Variants in GALNT13 observed in about 807,000 individuals in gnomAD.
The protein encoded by GALNT13 is polypeptide N-acetylgalactosaminyltransferase 13.
In GALNT13, 28 loss-of-function variants were observed where a neutral mutation model predicts 64.2. The observed-to-expected ratio is 0.44, with a 90% CI of 0.32 to 0.60. The LOEUF (loss-of-function observed/expected upper bound fraction) is 0.60, where lower values mean the gene tolerates loss of function less well. Among genes scored for constraint, GALNT13 ranks in the 20% least tolerant of loss-of-function variants. The pLI is 0.05. For missense variants in GALNT13, 577 were observed against 669.8 expected (o/e 0.86, Z 1.53); for synonymous variants, 214 against 224.6 (o/e 0.95, Z 0.42).
chr2:153,884,850 T>C (rs1687049303), intron 1 of GALNT13, among the ~76,000 whole-genome samples: 1 of 70,790 alleles, frequency 1.4e-5, no homozygotes, highest in Non-Finnish European at 2.6e-5. Context: ...TGTGTATATA[T>C]GTATATACAC....
intron 9 of GALNT13, among the ~76,000 whole-genome samples, chr2:154,339,514 T>C (rs1474352659): frequency 6.6e-6 from 1 of 152,142 alleles, no homozygotes; most frequent in Non-Finnish European, 1.5e-5. Flanking sequence ...ATACTCGTTA[T>C]TTGGAAGGAA....
At chr2:153,712,014 A>C in the GALNT13 span, among the ~76,000 whole-genome samples, 1 of 152,194 alleles carries the variant, frequency 6.6e-6, no homozygotes, top group Admixed American at 6.5e-5. Context: ...CTTTTGACAC[A>C]ACCTGAAATA....
At chr2:153,641,296 T>G in the GALNT13 span, among the ~76,000 whole-genome samples, 1 of 152,136 alleles carries the variant, frequency 6.6e-6, no homozygotes, top group African/African-American at 2.4e-5. Context: ...AGTTGTTAGG[T>G]CCGTTAGAAA....
the GALNT13 span, among the ~76,000 whole-genome samples, chr2:153,641,697 T>G: frequency 1.2e-4 from 19 of 152,192 alleles, no homozygotes; most frequent in Non-Finnish European, 1.8e-4. Flanking sequence ...GCTTCTGTTA[T>G]GCTGAAACAA....
chr2:153,127,700 C>A, the GALNT13 span, among the ~76,000 whole-genome samples: 1 of 152,090 alleles, frequency 6.6e-6, no homozygotes, highest in Admixed American at 6.6e-5. Context: ...ATTTTTGCAT[C>A]ATTATTTTAT....
At chr2:153,862,817 AT>A in the GALNT13 span, among the ~76,000 whole-genome samples, 1 of 152,088 alleles carries the variant, frequency 6.6e-6, no homozygotes, top group African/African-American at 2.4e-5. Context: ...CTAATGAAAA[AT>A]TCTAATATGT....
At chr2:154,211,352 C>T (rs759390132) in intron 4 of GALNT13, among the ~76,000 whole-genome samples, 3 of 151,850 alleles carry the variant, frequency 2.0e-5, no homozygotes, top group Non-Finnish European at 2.9e-5. Flanking sequence ...GTAGGCCTGG[C>T]GCAGTGGCTC....
the GALNT13 span, among the ~76,000 whole-genome samples, chr2:153,400,692 G>T: frequency 1.3e-5 from 2 of 152,198 alleles, no homozygotes; most frequent in East Asian, 1.9e-4. Context: ...ATTTCTTCTA[G>T]ATTTTGTAGT....
At chr2:153,817,695 T>C in the GALNT13 span, among the ~76,000 whole-genome samples, 63 of 152,336 alleles carry the variant, frequency 4.1e-4, no homozygotes, top group East Asian at 1.5e-3. Context: ...CTGAGTAAAG[T>C]CTTTCTTAAC....
intron 1 of GALNT13, among the ~76,000 whole-genome samples, chr2:153,877,108 T>C (rs1318560560): frequency 6.6e-6 from 1 of 152,094 alleles, no homozygotes; most frequent in Non-Finnish European, 1.5e-5. Context: ...ATTATTACCA[T>C]AGATATGAAC....
chr2:154,262,254 T>C (rs879499000), intron 8 of GALNT13, among the ~76,000 whole-genome samples: 58 of 152,184 alleles, frequency 3.8e-4, no homozygotes, highest in Non-Finnish European at 6.8e-4. Flanking sequence ...GACTGTGCTG[T>C]TAAATACCAT....
At chr2:154,297,832 G>T (rs1490215835) in intron 8 of GALNT13, among the ~76,000 whole-genome samples, 4 of 151,836 alleles carry the variant, frequency 2.6e-5, no homozygotes, top group African/African-American at 9.7e-5. Context: ...TGTATTTATT[G>T]GTTTGACTAT....
At chr2:154,310,172 G>A (rs1693956198) in intron 9 of GALNT13, among the ~76,000 whole-genome samples, 1 of 152,140 alleles carries the variant, frequency 6.6e-6, no homozygotes, top group Non-Finnish European at 1.5e-5. Flanking sequence ...GACTCCAGTG[G>A]TTCCTGTAAT....
chr2:153,574,218 G>T, the GALNT13 span, among the ~76,000 whole-genome samples: 1 of 150,674 alleles, frequency 6.6e-6, no homozygotes, highest in African/African-American at 2.4e-5. Context: ...TATTTTTCCA[G>T]AGGTATTGGA....
intron 1 of GALNT13, among the ~76,000 whole-genome samples, chr2:153,885,075 A>G (rs1025669703): frequency 2.0e-5 from 3 of 151,354 alleles, no homozygotes; most frequent in African/African-American, 7.3e-5. Flanking sequence ...AAAATAAAAT[A>G]AAATAAAAAT....
At chr2:154,143,901 T>TAG (rs1683414615) in intron 4 of GALNT13, among the ~76,000 whole-genome samples, 1 of 149,376 alleles carries the variant, frequency 6.7e-6, no homozygotes, top group South Asian at 2.1e-4. Context: ...CTCTTAGCTC[T>TAG]AGTTTGTTGT....
chr2:154,439,104 A>G (rs752955602), intron 12 of GALNT13, among the ~76,000 whole-genome samples: 13 of 152,192 alleles, frequency 8.5e-5, no homozygotes, highest in Non-Finnish European at 7.4e-5. Context: ...TTACAATACT[A>G]ATCACTGACA....
intron 3 of GALNT13, among the ~76,000 whole-genome samples, chr2:153,990,664 A>G (rs7580732): frequency 0.25 from 38,719 of 152,038 alleles, 6,873 homozygotes; most frequent in East Asian, 0.82. Flanking sequence ...AAATAAAACA[A>G]AAGAGTAGGT....
At chr2:153,171,551 A>T in the GALNT13 span, among the ~76,000 whole-genome samples, 1 of 152,136 alleles carries the variant, frequency 6.6e-6, no homozygotes, top group Non-Finnish European at 1.5e-5. Context: ...TTTCTAATGA[A>T]ATATATTATA....
Sources: allele counts gnomAD v4.1 joint callset (sites outside exome capture counted in the v4.1 genomes callset), GRCh38; gene constraint gnomAD v4.1.1; transcripts MANE v1.5; gene names NCBI Gene and HGNC (gene_info 2026-07-23, HGNC 2026-07-21).